Variants in LRP1B observed in about 807,000 individuals in gnomAD.
LRP1B encodes the protein low-density lipoprotein receptor-related protein 1B.
Under a neutral mutation model 556.6 loss-of-function variants are expected in LRP1B, and 217 were observed. The observed-to-expected ratio is 0.39, with a 90% CI of 0.35 to 0.44. The LOEUF is 0.44. Ranked by LOEUF, LRP1B falls within the 20% of genes least tolerant of loss-of-function variation. The probability of loss-of-function intolerance (pLI) is 1.00; values close to 1 mark genes in which losing one functional copy is unlikely to be tolerated. For missense variants in LRP1B, 5,053 were observed against 5,620.8 expected, an observed-to-expected ratio of 0.90 and a Z score of 3.23; for synonymous variants, 2,047 against 1,865.8, an observed-to-expected ratio of 1.10 and a Z score of -2.50.
chr2:141,612,139 C>T (rs894038259), intron 2 of LRP1B, among the ~76,000 whole-genome samples: 6 of 152,178 alleles, frequency 3.9e-5, no homozygotes, highest in Admixed American at 3.9e-4. Context: ...TAAATGACTG[C>T]TTCAGAATTA....
intron 35 of LRP1B, among the ~76,000 whole-genome samples, chr2:140,739,743 TC>T (rs1688074483): frequency 6.6e-6 from 1 of 152,142 alleles, no homozygotes; most frequent in Non-Finnish European, 1.5e-5. Flanking sequence ...AAACTTATTC[TC>T]CCCATTCTCA....
intron 3 of LRP1B, among the ~76,000 whole-genome samples, chr2:141,255,942 T>C (rs1427173156): frequency 6.6e-6 from 1 of 151,960 alleles, no homozygotes; most frequent in East Asian, 1.9e-4. Flanking sequence ...TATTGTAATG[T>C]GATATTTATT....
chr2:140,932,914 CACAT>C (rs1339287769), intron 20 of LRP1B, among the ~76,000 whole-genome samples: 3 of 149,928 alleles, frequency 2.0e-5, no homozygotes, highest in African/African-American at 7.4e-5. Flanking sequence ...CACACACACA[CACAT>C]ATATATGTGT....
intron 59 of LRP1B, among the ~76,000 whole-genome samples, chr2:140,477,926 A>G (rs2105351511): frequency 6.6e-6 from 1 of 152,224 alleles, no homozygotes; most frequent in African/African-American, 2.4e-5. Flanking sequence ...TTTTCATTAC[A>G]GTCTCACATT....
In LRP1B at chr2:140,577,555, T is replaced by A. The variant is rs116741381; in HGVS notation, c.7194+21076A>T. Among the ~76,000 whole-genome samples the A allele has an allele frequency of 3.4e-3, 523 of 151,996 alleles. 3 individuals are homozygous for A. The highest frequency in any genetic ancestry group is 0.012 in the African/African-American group (495 of 41,494). On this transcript the variant is annotated intron_variant, in intron 43 of 90. Transcript: ENST00000389484. ...CCTCAGCCTCCTGAGTAGCTGGGCTTACAGGTACGTGCCACCATGCTGGCT... is the reference window on the plus strand; with the variant it reads ...CCTCAGCCTCCTGAGTAGCTGGGCTAACAGGTACGTGCCACCATGCTGGCT...
At chr2:140,935,635 T>C (rs1030969459) in intron 20 of LRP1B, among the ~76,000 whole-genome samples, 1 of 152,040 alleles carries the variant, frequency 6.6e-6, no homozygotes, top group African/African-American at 2.4e-5. Flanking sequence ...TTTGATGAAA[T>C]ACATGAATAT....
At chr2:140,353,996 T>A (rs745614600) in intron 75 of LRP1B, among the ~76,000 whole-genome samples, 7 of 152,056 alleles carry the variant, frequency 4.6e-5, no homozygotes, top group African/African-American at 7.2e-5. Flanking sequence ...CAGGCAGTAT[T>A]CATGTGATTT....
At chr2:140,870,664 A>G (rs1693100581) in intron 25 of LRP1B, among the ~76,000 whole-genome samples, 1 of 152,168 alleles carries the variant, frequency 6.6e-6, no homozygotes, top group Non-Finnish European at 1.5e-5. Flanking sequence ...TATTTTGTTG[A>G]TAAATGGTAA....
At chr2:140,494,816 T>C (rs940584892) in intron 56 of LRP1B, among the ~76,000 whole-genome samples, 2 of 151,770 alleles carry the variant, frequency 1.3e-5, no homozygotes, top group Non-Finnish European at 2.9e-5. Flanking sequence ...AAACAGCTAA[T>C]GTTTTAAATG....
At position 140,750,736 on chromosome 2, in the gene LRP1B, A is replaced by C. The variant is rs112654411; in HGVS notation, c.5758+18477T>G. On this transcript the variant is annotated intron_variant, in intron 35 of 90. Transcript: ENST00000389484. ...TGACATGAATTCTGCACTTCATGAG[A>C]CTCTATTATTTCATACCAAAAACAT... Among the ~76,000 whole-genome samples the C allele has an allele frequency of 3.7e-3, 567 of 152,126 alleles. 3 individuals carry two copies. The highest frequency in any genetic ancestry group is 6.0e-3 in the Admixed American group (92 of 15,274).
intron 43 of LRP1B, among the ~76,000 whole-genome samples, chr2:140,550,743 G>A (rs1479900631): frequency 1.3e-5 from 2 of 152,056 alleles, no homozygotes; most frequent in Non-Finnish European, 2.9e-5. Flanking sequence ...TTCTCGTTTG[G>A]ATTTCTTTAG....
Position 142,124,777 on chromosome 2 carries a change from T to C in LRP1B, c.82+5871A>G, listed in dbSNP as rs747082220. Among the ~76,000 whole-genome samples the C allele has an allele frequency of 2.6e-5, 4 of 151,888 alleles. No individual in the cohort carries two copies. The East Asian group carries it at 5.8e-4, about 22-fold the overall frequency. On this transcript the variant is annotated intron_variant, in intron 1 of 90. Coordinates refer to ENST00000389484, the MANE Select transcript of LRP1B (RefSeq NM_018557.3). ...AGAGACACAACAGCAAAAGCACATA[T>C]GATTTGCTCTGCAAACTAGAAATAT... is the stretch of plus-strand genomic sequence containing the variant.
intron 3 of LRP1B, among the ~76,000 whole-genome samples, chr2:141,354,520 C>T (rs1688555610): frequency 6.6e-6 from 1 of 152,004 alleles, no homozygotes; most frequent in Non-Finnish European, 1.5e-5. Context: ...AACACATTCA[C>T]AAAACTTAAC....
At chr2:140,483,706 T>A (rs1573990324) in intron 59 of LRP1B, among the ~76,000 whole-genome samples, 1 of 147,416 alleles carries the variant, frequency 6.8e-6, no homozygotes, top group Non-Finnish European at 1.5e-5. Context: ...AGTGGCATGA[T>A]CTCTGCTCAC....
At chr2:140,614,034 C>T (rs990971569) in intron 41 of LRP1B, among the ~76,000 whole-genome samples, 8 of 151,962 alleles carry the variant, frequency 5.3e-5, no homozygotes, top group Admixed American at 3.3e-4. Context: ...ATTCTAACTT[C>T]GATTATTGAA....
intron 1 of LRP1B, among the ~76,000 whole-genome samples, chr2:141,927,903 C>CAAAAAAAAAAAAAA (rs5834879): frequency 9.0e-6 from 1 of 111,114 alleles, no homozygotes; most frequent in Admixed American, 1.1e-4. Context: ...CTTGGCTTTA[C>CAAAAAAAAAAAAAA]AAAAAAAAAA....
chr2:140,740,033 C>G (rs763457317), intron 35 of LRP1B, among the ~76,000 whole-genome samples: 1 of 152,060 alleles, frequency 6.6e-6, no homozygotes, highest in Admixed American at 6.6e-5. Context: ...TAGTTGTTGG[C>G]GTGGATGCAG....
chr2:141,945,586 T>C (rs1700930424), intron 1 of LRP1B, among the ~76,000 whole-genome samples: 1 of 151,936 alleles, frequency 6.6e-6, no homozygotes. Context: ...TATTGAAATT[T>C]ATTGATAGAA....
At chr2:140,393,402 T>C (rs1229211735) in intron 66 of LRP1B, among the ~76,000 whole-genome samples, 1 of 152,142 alleles carries the variant, frequency 6.6e-6, no homozygotes, top group African/African-American at 2.4e-5. Context: ...CCATGTGTTT[T>C]ATTCAGCTGA....
Sources: gnomAD v4.1 joint callset for allele counts (sites outside exome capture counted in the v4.1 genomes callset) on GRCh38, gnomAD v4.1.1 for gene constraint, MANE v1.5 for transcripts, NCBI Gene and HGNC (gene_info 2026-07-23, HGNC 2026-07-21) for gene names.